MRAP2: variants seen among roughly 807,000 people sequenced by gnomAD.
The protein encoded by MRAP2 is melanocortin 2 receptor accessory protein 2.
Under a neutral mutation model 17.4 loss-of-function variants are expected in MRAP2, and 20 were observed. The ratio of observed to expected loss-of-function variants is 1.15; its 90% CI spans 0.81 to 1.67. The LOEUF (loss-of-function observed/expected upper bound fraction) is 1.67. Ranked by LOEUF, MRAP2 falls within the 40% of genes most tolerant of loss-of-function variation. The pLI is 0.00. For missense variants in MRAP2, 238 were observed against 240.0 expected (o/e 0.99, Z 0.05); for synonymous variants, 96 against 88.4 (o/e 1.09, Z -0.48).
At chr6:84,060,248 TG>T (rs1299788277) in intron 2 of MRAP2, among the ~76,000 whole-genome samples, 2 of 152,222 alleles carry the variant, frequency 1.3e-5, no homozygotes, top group Non-Finnish European at 2.9e-5. Flanking sequence ...TCCCCAACTC[TG>T]CCGCCACCTG....
the MRAP2 span, among the ~76,000 whole-genome samples, chr6:84,138,727 GT>G: frequency 3.9e-5 from 6 of 152,092 alleles, no homozygotes; most frequent in Non-Finnish European, 8.8e-5. Flanking sequence ...CAACAATTAA[GT>G]TAACTAAAAC....
chr6:84,059,196 C>G (rs1053183396), intron 2 of MRAP2, among the ~76,000 whole-genome samples: 1 of 152,190 alleles, frequency 6.6e-6, no homozygotes, highest in Middle Eastern at 3.2e-3. Flanking sequence ...TTTGAGCTAT[C>G]AGTGGTGGCC....
At chr6:84,134,857 A>G in the MRAP2 span, among the ~76,000 whole-genome samples, 1 of 151,920 alleles carries the variant, frequency 6.6e-6, no homozygotes, top group South Asian at 2.1e-4. Context: ...TAATGCCTCT[A>G]TTTTGAAATG....
At chr6:84,071,900 A>G (rs2099496285) in intron 3 of MRAP2, among the ~76,000 whole-genome samples, 1 of 152,198 alleles carries the variant, frequency 6.6e-6, no homozygotes, top group East Asian at 1.9e-4. Context: ...TTCCATTTCT[A>G]TAAGTGTGTC....
chr6:84,037,351 A>G (rs950359406), intron 1 of MRAP2, among the ~76,000 whole-genome samples: 7 of 152,212 alleles, frequency 4.6e-5, no homozygotes, highest in Non-Finnish European at 8.8e-5. Context: ...TGCATATACA[A>G]TCCTCCAACT....
intron 3 of MRAP2, among the ~76,000 whole-genome samples, chr6:84,074,396 T>C (rs2099497066): frequency 6.6e-6 from 1 of 152,184 alleles, no homozygotes; most frequent in Admixed American, 6.5e-5. Flanking sequence ...ACAGCATCCT[T>C]TTGGAACATG....
chr6:84,145,238 G>C, the MRAP2 span, among the ~76,000 whole-genome samples: 1 of 152,050 alleles, frequency 6.6e-6, no homozygotes, highest in Non-Finnish European at 1.5e-5. Flanking sequence ...AATTTACCTG[G>C]ATCTATTGGT....
At chr6:84,055,881 C>G (rs2099491596) in intron 2 of MRAP2, among the ~76,000 whole-genome samples, 1 of 152,126 alleles carries the variant, frequency 6.6e-6, no homozygotes, top group South Asian at 2.1e-4. Context: ...AGCAGTGTAT[C>G]CATGTGTGCT....
intron 1 of MRAP2, among the ~76,000 whole-genome samples, chr6:84,050,394 G>C (rs1156859573): frequency 6.6e-6 from 1 of 152,170 alleles, no homozygotes; most frequent in Non-Finnish European, 1.5e-5. Flanking sequence ...GCCTTATAGA[G>C]ATGCTTTAAG....
intron 2 of MRAP2, among the ~76,000 whole-genome samples, chr6:84,060,852 A>AC (rs2099492962): frequency 8.4e-6 from 1 of 119,548 alleles, no homozygotes; most frequent in African/African-American, 3.8e-5. Context: ...CACCCGGCTA[A>AC]TTTTTTTTTT....
chr6:84,061,439 T>G (rs755038372), intron 2 of MRAP2, among the ~76,000 whole-genome samples: 1 of 152,196 alleles, frequency 6.6e-6, no homozygotes, highest in Non-Finnish European at 1.5e-5. Flanking sequence ...ACCCTGGTCC[T>G]AGAGATAAAG....
At chr6:84,138,326 A>G in the MRAP2 span, among the ~76,000 whole-genome samples, 3 of 152,206 alleles carry the variant, frequency 2.0e-5, no homozygotes, top group Non-Finnish European at 2.9e-5. Flanking sequence ...GGTGAGCTCT[A>G]GAGTTGTCCA....
chr6:84,112,347 C>T, the MRAP2 span, among the ~76,000 whole-genome samples: 5 of 151,954 alleles, frequency 3.3e-5, no homozygotes, highest in African/African-American at 1.2e-4. Flanking sequence ...TGTATGTGTA[C>T]AGGAAATTGT....
At position 84,077,823 on chromosome 6, in the gene MRAP2, G is replaced by A. The variant is rs115918045; in HGVS notation, c.228-11268G>A. ...AGATTACCTCATCTCAATATGGAGC[G>A]TGTCTTCAAAGTAAAAGCTCCTAGA... On this transcript the variant is annotated intron_variant, in intron 3 of 3. Coordinates refer to ENST00000257776, the MANE Select transcript of MRAP2 (RefSeq NM_138409.4). 7.4e-3 allele frequency among the ~76,000 whole-genome samples: 1,130 copies of A among 152,222 alleles called. 12 individuals are homozygous for A. Among genetic ancestry groups the A allele is most frequent in the African/African-American group, 0.026 (1,076 of 41,552 alleles).
At chr6:84,060,338 G>C (rs1046733221) in intron 2 of MRAP2, among the ~76,000 whole-genome samples, 2 of 152,082 alleles carry the variant, frequency 1.3e-5, no homozygotes, top group Admixed American at 6.5e-5. Context: ...TACTTAGAAG[G>C]GCAGAGGGAA....
At chr6:84,143,758 G>C in the MRAP2 span, among the ~76,000 whole-genome samples, 1 of 151,908 alleles carries the variant, frequency 6.6e-6, no homozygotes, top group East Asian at 1.9e-4. Context: ...CTAGAAACTG[G>C]TTTTCTCTCT....
intron 3 of MRAP2, among the ~76,000 whole-genome samples, chr6:84,073,380 A>C (rs141883895): frequency 2.0e-5 from 3 of 152,332 alleles, no homozygotes; most frequent in African/African-American, 7.2e-5. Context: ...TGTGTTCAGG[A>C]GAGGAGGCTC....
At chr6:84,134,620 C>T in the MRAP2 span, among the ~76,000 whole-genome samples, 5 of 152,166 alleles carry the variant, frequency 3.3e-5, no homozygotes, top group African/African-American at 7.2e-5. Context: ...ACCCCTTGCA[C>T]TTCCCGGATG....
intron 2 of MRAP2, among the ~76,000 whole-genome samples, chr6:84,058,697 T>G (rs1037356679): frequency 2.0e-5 from 3 of 151,952 alleles, no homozygotes; most frequent in African/African-American, 7.3e-5. Flanking sequence ...GTTTAGAAGT[T>G]GGAGGGTTGC....
Sources: allele counts gnomAD v4.1 joint callset (sites outside exome capture counted in the v4.1 genomes callset), GRCh38; gene constraint gnomAD v4.1.1; transcripts MANE v1.5; gene names NCBI Gene and HGNC (gene_info 2026-07-23, HGNC 2026-07-21).